NALCN: variants seen among roughly 807,000 people sequenced by gnomAD.
NALCN encodes sodium leak channel NALCN.
NALCN carries 111 observed loss-of-function variants against 225.3 expected under a neutral mutation model. That is an observed-to-expected ratio of 0.49 (90% CI 0.42 to 0.58). The LOEUF (loss-of-function observed/expected upper bound fraction) is 0.58. NALCN is among the 20% of genes least tolerant of loss of function. The pLI is 0.00. For synonymous variants in NALCN, 764 were observed against 769.0 expected (o/e 0.99, Z 0.11); for missense variants, 1,378 against 2,202.4 (o/e 0.63, Z 7.49).
intron 6 of NALCN, among the ~76,000 whole-genome samples, chr13:101,365,894 C>T (rs925759802): frequency 3.9e-5 from 6 of 152,156 alleles, no homozygotes; most frequent in African/African-American, 1.4e-4. Context: ...AATGGTTACA[C>T]TTACTTACCT....
chr13:101,351,609 T>C (rs541371120), intron 6 of NALCN, among the ~76,000 whole-genome samples: 1 of 152,286 alleles, frequency 6.6e-6, no homozygotes, highest in African/African-American at 2.4e-5. Context: ...AGTTCGGTGA[T>C]TAACCAACTT....
chr13:101,077,904 G>A (rs1385484332), intron 34 of NALCN, among the ~76,000 whole-genome samples: 1 of 152,180 alleles, frequency 6.6e-6, no homozygotes, highest in Non-Finnish European at 1.5e-5. Flanking sequence ...TGGGCCCCAG[G>A]CTCCCTCTGC....
chr13:101,202,766 T>TAA (rs2040171722), intron 13 of NALCN, among the ~76,000 whole-genome samples: 1 of 152,218 alleles, frequency 6.6e-6, no homozygotes, highest in Admixed American at 6.5e-5. Context: ...TTTTCAAAGC[T>TAA]GCTCCCCCTG....
chr13:101,195,175 A>G (rs370472022), intron 13 of NALCN, among the ~76,000 whole-genome samples: 3 of 152,182 alleles, frequency 2.0e-5, no homozygotes, highest in East Asian at 1.9e-4. Context: ...ACAGGAGTAG[A>G]GTTTCAGTGG....
At chr13:101,083,436 T>A (rs58228500) in intron 31 of NALCN, among the ~76,000 whole-genome samples, 1,615 of 152,284 alleles carry the variant, frequency 0.011, 28 homozygotes, top group African/African-American at 0.037. Flanking sequence ...GTTTAATACA[T>A]TTCACTTATA....
intron 15 of NALCN, among the ~76,000 whole-genome samples, chr13:101,161,500 T>C (rs946036317): frequency 5.3e-5 from 8 of 152,226 alleles, no homozygotes; most frequent in African/African-American, 1.9e-4. Context: ...TTGATTTTAT[T>C]TTCCAAACAG....
At chr13:101,067,153 G>A (rs1242687180) in intron 39 of NALCN, among the ~76,000 whole-genome samples, 1 of 150,944 alleles carries the variant, frequency 6.6e-6, no homozygotes, top group Non-Finnish European at 1.5e-5. Context: ...GAAGAGAGAA[G>A]AGGAGAGGGA....
intron 6 of NALCN, among the ~76,000 whole-genome samples, chr13:101,356,647 G>T (rs892139283): frequency 4.6e-5 from 7 of 152,086 alleles, no homozygotes; most frequent in African/African-American, 1.7e-4. Flanking sequence ...TATTCCAAAA[G>T]AATTGAAAAG....
chr13:101,409,455 C>T (rs190864591), intron 1 of NALCN, among the ~76,000 whole-genome samples: 168 of 152,238 alleles, frequency 1.1e-3, no homozygotes, highest in African/African-American at 3.9e-3. Flanking sequence ...TCCCCATTTT[C>T]CCCTCCTCCC....
rs9585658 is a variant in NALCN at position 101,303,044 on chromosome 13, G to A, written c.800-10678C>T. 6.0e-3 allele frequency among the ~76,000 whole-genome samples: 917 copies of A among 152,158 alleles called. 12 individuals are homozygous for A. The highest frequency in any genetic ancestry group is 0.021 in the African/African-American group (870 of 41,516). The stretch of plus-strand genomic sequence containing the variant: ...CCAATGTAGACCAGAACTCTACAGA[G>A]GTGAGAGAAGAATATGAGAAAATTG... On this transcript the variant is annotated intron_variant, in intron 7 of 43. Transcript: ENST00000251127.
intron 6 of NALCN, among the ~76,000 whole-genome samples, chr13:101,356,151 C>CA (rs922810003): frequency 1.3e-5 from 2 of 151,586 alleles, no homozygotes; most frequent in African/African-American, 4.9e-5. Flanking sequence ...GAAGCAAGAG[C>CA]AAAAAAATCT....
intron 13 of NALCN, among the ~76,000 whole-genome samples, chr13:101,192,405 T>C (rs972598719): frequency 6.6e-6 from 1 of 152,208 alleles, no homozygotes; most frequent in Non-Finnish European, 1.5e-5. Context: ...TTACTTTTTC[T>C]TTGTTCCTGC....
chr13:101,287,807 C>T (rs112193495), intron 9 of NALCN, among the ~76,000 whole-genome samples: 2 of 152,264 alleles, frequency 1.3e-5, no homozygotes, highest in East Asian at 1.9e-4. Flanking sequence ...GCTAAAAATG[C>T]TTCTGGGATT....
chr13:101,234,306 TAGA>T (rs745381330), intron 12 of NALCN, among the ~76,000 whole-genome samples: 64 of 152,198 alleles, frequency 4.2e-4, no homozygotes, highest in Non-Finnish European at 5.7e-4. Flanking sequence ...TGACACATAG[TAGA>T]AGCTCAGAAA....
intron 11 of NALCN, among the ~76,000 whole-genome samples, chr13:101,249,716 C>T (rs1353774326): frequency 6.6e-6 from 1 of 152,016 alleles, no homozygotes; most frequent in Non-Finnish European, 1.5e-5. Flanking sequence ...ATGAGAAATG[C>T]TCTTGGCAAC....
At chr13:101,142,292 C>T (rs1386139030) in intron 17 of NALCN, among the ~76,000 whole-genome samples, 4 of 151,766 alleles carry the variant, frequency 2.6e-5, no homozygotes, top group African/African-American at 9.7e-5. Flanking sequence ...CAGGCATCCA[C>T]CACCACGCCC....
intron 3 of NALCN, among the ~76,000 whole-genome samples, chr13:101,392,799 A>G (rs1023209341): frequency 2.6e-5 from 4 of 152,230 alleles, no homozygotes; most frequent in Non-Finnish European, 5.9e-5. Flanking sequence ...GACTAATACA[A>G]GAATCTAGAA....
intron 9 of NALCN, among the ~76,000 whole-genome samples, chr13:101,288,217 C>T (rs540122712): frequency 6.6e-6 from 1 of 152,112 alleles, no homozygotes; most frequent in African/African-American, 2.4e-5. Flanking sequence ...TATTAGAAGG[C>T]ACTCATTATT....
At chr13:101,085,380 T>A (rs7993937) in intron 30 of NALCN, among the ~76,000 whole-genome samples, 23,745 of 152,082 alleles carry the variant, frequency 0.16, 2,420 homozygotes, top group Non-Finnish European at 0.23. Flanking sequence ...AAACAAATGC[T>A]TACTAGGGGT....
Sources: gnomAD v4.1 joint callset for allele counts (sites outside exome capture counted in the v4.1 genomes callset) on GRCh38, gnomAD v4.1.1 for gene constraint, MANE v1.5 for transcripts, NCBI Gene and HGNC (gene_info 2026-07-23, HGNC 2026-07-21) for gene names.